RAP1A: variants seen among roughly 807,000 people sequenced by gnomAD.
RAP1A encodes the protein RAP1A, member of RAS oncogene family.
Under a neutral mutation model 26.4 loss-of-function variants are expected in RAP1A, and 6 were observed. The ratio of observed to expected loss-of-function variants is 0.23; its 90% CI spans 0.12 to 0.45. RAP1A has a LOEUF of 0.45. Ranked by LOEUF, RAP1A falls within the 20% of genes least tolerant of loss-of-function variation. The pLI is 0.99. For synonymous variants in RAP1A, 73 were observed against 79.4 expected, an observed-to-expected ratio of 0.92 and a Z score of 0.43; for missense variants, 121 against 217.2, an observed-to-expected ratio of 0.56 and a Z score of 2.78.
At chr1:111,670,128 T>G (rs923106272) in intron 1 of RAP1A, among the ~76,000 whole-genome samples, 6 of 152,102 alleles carry the variant, frequency 3.9e-5, no homozygotes, top group Non-Finnish European at 5.9e-5. Flanking sequence ...AGATATACTT[T>G]AGGTAGAAGG....
rs200170165 is a variant in RAP1A, at chr1:111,542,891, T to A, written c.-28+382T>A. Among the ~76,000 whole-genome samples the A allele has an allele frequency of 5.9e-5, 9 of 152,226 alleles. No individual in the cohort carries two copies. In the East Asian group the frequency reaches 1.5e-3, roughly 26 times the overall value. ...TTTGCATTTTTAATAGAGATGGGGT[T>A]TCACCATGTTGGGCAGGCTGGTCTC... On this transcript the variant is annotated intron_variant, in intron 1 of 7. Transcript: ENST00000356415.
chr1:111,596,887 C>G (rs1165691841), intron 1 of RAP1A, among the ~76,000 whole-genome samples: 3 of 152,174 alleles, frequency 2.0e-5, no homozygotes, highest in Admixed American at 6.5e-5. Flanking sequence ...TCAGGATTAG[C>G]TTTCAATGTA....
At chr1:111,574,838 G>A (rs1658113546) in intron 1 of RAP1A, among the ~76,000 whole-genome samples, 1 of 152,202 alleles carries the variant, frequency 6.6e-6, no homozygotes, top group African/African-American at 2.4e-5. Context: ...GAAGGCAGTG[G>A]CTCTGCTATA....
intron 4 of RAP1A, among the ~76,000 whole-genome samples, chr1:111,703,032 G>A (rs146401165): frequency 2.6e-5 from 4 of 152,240 alleles, no homozygotes; most frequent in African/African-American, 7.2e-5. Flanking sequence ...CACTTGGGCA[G>A]TAGTTGTGTC....
chr1:111,703,828 A>G (rs1662097024), intron 5 of RAP1A, among the ~76,000 whole-genome samples: 1 of 152,230 alleles, frequency 6.6e-6, no homozygotes, highest in Non-Finnish European at 1.5e-5. Flanking sequence ...ATTAAGATCC[A>G]TAGTGGTGTG....
chr1:111,633,685 T>C (rs1175739444), intron 1 of RAP1A, among the ~76,000 whole-genome samples: 4 of 152,226 alleles, frequency 2.6e-5, no homozygotes, highest in Non-Finnish European at 4.4e-5. Flanking sequence ...AAACATCCCT[T>C]TGAATTTTAA....
chr1:111,608,945 C>T (rs1471299089), intron 1 of RAP1A, among the ~76,000 whole-genome samples: 1 of 152,214 alleles, frequency 6.6e-6, no homozygotes, highest in East Asian at 1.9e-4. Flanking sequence ...TTCTGCTGAG[C>T]TGACCTCTTG....
intron 1 of RAP1A, among the ~76,000 whole-genome samples, chr1:111,583,331 G>A (rs1005335669): frequency 2.0e-5 from 3 of 150,348 alleles, no homozygotes; most frequent in Non-Finnish European, 2.9e-5. Context: ...TTAACCAGGC[G>A]CAATAGTTCA....
intron 1 of RAP1A, among the ~76,000 whole-genome samples, chr1:111,643,493 C>T (rs972299469): frequency 6.6e-6 from 1 of 152,212 alleles, no homozygotes; most frequent in African/African-American, 2.4e-5. Flanking sequence ...TGAGCTTAAG[C>T]TGTTTATTAG....
intron 7 of RAP1A, 96 bp from the exon 8 acceptor site, chr1:111,712,335 T>A (rs1662409803): frequency 6.6e-6 from 1 of 152,382 alleles, no homozygotes. Context: ...AAAATCATTA[T>A]TTTTTTATTT....
At chr1:111,581,452 C>T (rs1658257071) in intron 1 of RAP1A, among the ~76,000 whole-genome samples, 1 of 152,124 alleles carries the variant, frequency 6.6e-6, no homozygotes, top group Non-Finnish European at 1.5e-5. Context: ...TGCTAAATAT[C>T]CTTTAATGTA....
At chr1:111,573,981 T>C (rs544985701) in intron 1 of RAP1A, among the ~76,000 whole-genome samples, 11 of 152,336 alleles carry the variant, frequency 7.2e-5, no homozygotes, top group African/African-American at 2.2e-4. Flanking sequence ...TTTATCAATT[T>C]TTGCTTTTGT....
chr1:111,652,611 A>T (rs925378977), intron 1 of RAP1A, among the ~76,000 whole-genome samples: 1 of 152,136 alleles, frequency 6.6e-6, no homozygotes, highest in Non-Finnish European at 1.5e-5. Context: ...AATATATATC[A>T]TATAAAATAT....
chr1:111,549,533 C>T (rs1657173838), intron 1 of RAP1A, among the ~76,000 whole-genome samples: 1 of 151,608 alleles, frequency 6.6e-6, no homozygotes, highest in African/African-American at 2.4e-5. Context: ...GCCTGTAGTC[C>T]CAGCTACTAG....
chr1:111,603,471 G>A (rs889483743), intron 1 of RAP1A, among the ~76,000 whole-genome samples: 1 of 152,242 alleles, frequency 6.6e-6, no homozygotes, highest in African/African-American at 2.4e-5. Context: ...AAGGTGCCAA[G>A]TTTGGCAGAG....
chr1:111,654,118 T>C (rs1660375718), intron 1 of RAP1A, among the ~76,000 whole-genome samples: 1 of 152,216 alleles, frequency 6.6e-6, no homozygotes, highest in Non-Finnish European at 1.5e-5. Context: ...AGGCAAGAAT[T>C]TTTTATTCCA....
At chr1:111,617,973 T>C (rs558973119), upstream of RAP1A, among the ~76,000 whole-genome samples, 6 of 151,306 alleles carry the variant, frequency 4.0e-5, no homozygotes, top group African/African-American at 1.5e-4. Flanking sequence ...AACCAGGGAG[T>C]TGGAGGTTGC....
rs1662297953 is a variant in RAP1A at position 111,709,236 on chromosome 1, G to A, written c.*1G>A. On this transcript the variant is annotated 3_prime_UTR_variant, in exon 7 of 8. Coordinates refer to ENST00000369709, the MANE Select transcript of RAP1A (RefSeq NM_002884.4). ...AAAGAAATCATGTCTGCTGCTCTAG[G>A]CCCATAGTCAGCAGCAGCTCTGAGC... is the stretch of plus-strand genomic sequence containing the variant. The A allele has an allele frequency of 6.2e-7, 1 of 1,607,894 alleles. No homozygotes were observed. The highest frequency in any genetic ancestry group is 8.5e-7 in the Non-Finnish European group (1 of 1,178,294).
At chr1:111,685,588 C>G (rs754266600) in intron 1 of RAP1A, among the ~76,000 whole-genome samples, 5 of 152,148 alleles carry the variant, frequency 3.3e-5, no homozygotes, top group Non-Finnish European at 5.9e-5. Flanking sequence ...CATCTCACGC[C>G]AGTTAGAATA....
Sources: allele counts gnomAD v4.1 joint callset (sites outside exome capture counted in the v4.1 genomes callset), GRCh38; gene constraint gnomAD v4.1.1; transcripts MANE v1.5; gene names NCBI Gene and HGNC (gene_info 2026-07-23, HGNC 2026-07-21).